BTG4: variants seen among roughly 807,000 people sequenced by gnomAD.
BTG4 encodes BTG anti-proliferation factor 4.
Under a neutral mutation model 19.3 loss-of-function variants are expected in BTG4, and 10 were observed. The observed-to-expected ratio is 0.52, with a 90% confidence interval of 0.32 to 0.88. The LOEUF (loss-of-function observed/expected upper bound fraction) is 0.88. Ranked by LOEUF, BTG4 falls within the 40% of genes least tolerant of loss-of-function variation. The probability of loss-of-function intolerance (pLI) is 0.04; values close to 1 mark genes in which losing one functional copy is unlikely to be tolerated. For missense variants in BTG4, 238 were observed against 281.9 expected (o/e 0.84, Z 1.11); for synonymous variants, 91 against 95.7 (o/e 0.95, Z 0.29).
At chr11:111,394,562 T>C in the BTG4 span, among the ~76,000 whole-genome samples, 3 of 152,222 alleles carry the variant, frequency 2.0e-5, no homozygotes, top group Non-Finnish European at 4.4e-5. Context: ...ATTAAACCTC[T>C]TTTTCTTTAT....
chr11:111,470,952 T>C (rs987771124), intron 5 of BTG4, among the ~76,000 whole-genome samples: 2 of 152,116 alleles, frequency 1.3e-5, no homozygotes, highest in Admixed American at 1.3e-4. Flanking sequence ...AAACACTTTT[T>C]TGAAAGTATC....
the BTG4 span, among the ~76,000 whole-genome samples, chr11:111,434,347 A>G: frequency 2.6e-5 from 4 of 152,220 alleles, no homozygotes; most frequent in Non-Finnish European, 4.4e-5. Context: ...TGGGAGTTGA[A>G]CAATAAGAAC....
At chr11:111,487,074 C>T (rs1379074233) in intron 5 of BTG4, among the ~76,000 whole-genome samples, 1 of 152,076 alleles carries the variant, frequency 6.6e-6, no homozygotes, top group African/African-American at 2.4e-5. Flanking sequence ...ACATGCAGTG[C>T]TTGACATTCT....
At chr11:111,389,029 T>C in the BTG4 span, among the ~76,000 whole-genome samples, 1 of 152,204 alleles carries the variant, frequency 6.6e-6, no homozygotes, top group African/African-American at 2.4e-5. Flanking sequence ...AAATAGGAAT[T>C]ACAATAAAGC....
At chr11:111,385,444 C>A in the BTG4 span, 1 of 152,004 alleles carries the variant, frequency 6.6e-6, no homozygotes, top group African/African-American at 2.4e-5. Context: ...GATTCTAAAA[C>A]TAAATAAGGT....
chr11:111,479,254 T>C (rs375683471), intron 5 of BTG4, among the ~76,000 whole-genome samples: 1 of 152,070 alleles, frequency 6.6e-6, no homozygotes, highest in African/African-American at 2.4e-5. Context: ...CCCAAAATTC[T>C]ATACAAAGGG....
At chr11:111,454,968 A>G in the BTG4 span, 1 of 455,768 alleles carries the variant, frequency 2.2e-6, no homozygotes, top group South Asian at 1.6e-5. Context: ...CACAGCTCAA[A>G]CTCCTCTACC....
the BTG4 span, among the ~76,000 whole-genome samples, chr11:111,401,578 T>G: frequency 6.6e-6 from 1 of 152,192 alleles, no homozygotes; most frequent in Non-Finnish European, 1.5e-5. Context: ...TAAACATATT[T>G]CAAAATAAAA....
At chr11:111,448,181 G>A in the BTG4 span, among the ~76,000 whole-genome samples, 1 of 152,200 alleles carries the variant, frequency 6.6e-6, no homozygotes, top group East Asian at 1.9e-4. Context: ...GCGGGAATGA[G>A]ACGCCTCGTG....
At chr11:111,412,268 GA>G in the BTG4 span, among the ~76,000 whole-genome samples, 2 of 152,258 alleles carry the variant, frequency 1.3e-5, no homozygotes, top group Admixed American at 1.3e-4. Flanking sequence ...CAAAGGCACA[GA>G]GGTGGGTAGG....
chr11:111,417,708 A>G, the BTG4 span: 1 of 152,026 alleles, frequency 6.6e-6, no homozygotes, highest in East Asian at 1.9e-4. Context: ...TATTTTTTGA[A>G]CTTTGGCTTT....
At chr11:111,453,571 GA>G in the BTG4 span, 16 of 454,490 alleles carry the variant, frequency 3.5e-5, no homozygotes, top group Non-Finnish European at 7.1e-5. Flanking sequence ...CCCCAGGGTT[GA>G]GGGGGGTCCT....
At chr11:111,410,365 A>G in the BTG4 span, among the ~76,000 whole-genome samples, 8 of 152,082 alleles carry the variant, frequency 5.3e-5, no homozygotes, top group Admixed American at 2.6e-4. Context: ...ATAACTAGAG[A>G]TTCAAGAATG....
At chr11:111,455,419 AGGCCAGCC>A in the BTG4 span, 1 of 236,450 alleles carries the variant, frequency 4.2e-6, no homozygotes, top group South Asian at 5.7e-5. Context: ...GCAGAAGAGA[AGGCCAGCC>A]GGAGGAGGCA....
At chr11:111,470,413 G>T (rs1162156014) in intron 5 of BTG4, among the ~76,000 whole-genome samples, 1 of 152,102 alleles carries the variant, frequency 6.6e-6, no homozygotes, top group Non-Finnish European at 1.5e-5. Context: ...TATTCTACAG[G>T]GCAGACAGTA....
At chr11:111,449,081 C>A in the BTG4 span, among the ~76,000 whole-genome samples, 1 of 152,110 alleles carries the variant, frequency 6.6e-6, no homozygotes, top group Non-Finnish European at 1.5e-5. Context: ...CATGTGAATT[C>A]TTCCTTTGCT....
At chr11:111,497,143 A>G (rs964709173) in intron 4 of BTG4, 68 bp downstream of exon 4, 6 of 1,398,346 alleles carry the variant, frequency 4.3e-6, no homozygotes, top group Non-Finnish European at 5.9e-6. Flanking sequence ...CTTTGTTTTC[A>G]TAATGAGTGC....
upstream of BTG4, among the ~76,000 whole-genome samples, chr11:111,512,556 A>T (rs1867027045): frequency 6.6e-6 from 1 of 152,130 alleles, no homozygotes; most frequent in South Asian, 2.1e-4. Flanking sequence ...TGGGAACTGA[A>T]GCCTGGCGTG....
At chr11:111,481,376 C>A (rs1487237905) in intron 5 of BTG4, among the ~76,000 whole-genome samples, 1 of 151,728 alleles carries the variant, frequency 6.6e-6, no homozygotes, top group African/African-American at 2.4e-5. Flanking sequence ...GGATTAACAT[C>A]AACTCTATGC....
Sources: allele counts gnomAD v4.1 joint callset (sites outside exome capture counted in the v4.1 genomes callset), GRCh38; gene constraint gnomAD v4.1.1; transcripts MANE v1.5; gene names NCBI Gene and HGNC (gene_info 2026-07-23, HGNC 2026-07-21).